TMEM135: variants seen among roughly 807,000 people sequenced by gnomAD.
TMEM135 encodes transmembrane protein 135.
TMEM135 carries 30 observed loss-of-function variants against 60.3 expected under a neutral mutation model. The ratio of observed to expected loss-of-function variants is 0.50; its 90% CI spans 0.37 to 0.68. The LOEUF (loss-of-function observed/expected upper bound fraction) is 0.68, where lower values mean the gene tolerates loss of function less well. Among genes scored for constraint, TMEM135 ranks in the 30% least tolerant of loss-of-function variants. TMEM135 has a pLI of 0.00. For synonymous variants in TMEM135, 190 were observed against 186.7 expected, an observed-to-expected ratio of 1.02 and a Z score of -0.14; for missense variants, 468 against 548.8, an observed-to-expected ratio of 0.85 and a Z score of 1.47.
intron 6 of TMEM135, among the ~76,000 whole-genome samples, chr11:87,271,553 A>T (rs1941863024): frequency 7.1e-5 from 1 of 14,180 alleles, no homozygotes; most frequent in South Asian, 5.3e-3. Context: ...TGGTATGGAT[A>T]AAGAATGCAA....
chr11:87,138,355 C>T (rs643145), intron 4 of TMEM135, among the ~76,000 whole-genome samples: 72,183 of 151,608 alleles, frequency 0.48, 17,423 homozygotes, highest in East Asian at 0.67. Flanking sequence ...CCTCCCAAAG[C>T]GCTGGGATTA....
intron 4 of TMEM135, among the ~76,000 whole-genome samples, chr11:87,114,793 C>A (rs974352193): frequency 2.0e-5 from 3 of 152,146 alleles, no homozygotes; most frequent in African/African-American, 7.2e-5. Flanking sequence ...TGCCTGAGAA[C>A]TGAGGGGCAT....
chr11:87,117,744 G>T (rs2445561), intron 4 of TMEM135, among the ~76,000 whole-genome samples: 72,349 of 151,836 alleles, frequency 0.48, 17,514 homozygotes, highest in East Asian at 0.67. Flanking sequence ...AGAATCAGTG[G>T]CTTCCAAACT....
chr11:87,177,514 A>G (rs1242113986), intron 5 of TMEM135, among the ~76,000 whole-genome samples: 2 of 152,186 alleles, frequency 1.3e-5, no homozygotes, highest in Admixed American at 6.6e-5. Flanking sequence ...AGTTATACTC[A>G]CTGAAAGTGT....
Position 87,325,774 on chromosome 11 carries a change from A to G in TMEM135, c.*4441A>G, listed in dbSNP as rs1387878666. On this transcript the variant is annotated 3_prime_UTR_variant, in exon 15 of 15. Transcript: ENST00000305494. Reference sequence around the variant, plus strand: ...GATAATTGCACAGATATGGAAGGAGATGTTTCTCTGTATGTGAAGCCTTTA... The same window carrying G: ...GATAATTGCACAGATATGGAAGGAGGTGTTTCTCTGTATGTGAAGCCTTTA... 4.4e-6 allele frequency: 2 copies of G among 453,842 alleles called. No homozygotes were observed. The highest frequency in any genetic ancestry group is 4.7e-5 in the Admixed American group (2 of 42,498). 28.1% of individuals were successfully genotyped at this position (453,842 alleles called of 1,614,324 possible). A position where few individuals can be genotyped will look rare whatever the true frequency, so the allele number is the denominator to read the frequency against.
At chr11:87,123,110 A>G (rs966783043) in intron 4 of TMEM135, among the ~76,000 whole-genome samples, 8 of 152,216 alleles carry the variant, frequency 5.3e-5, no homozygotes, top group African/African-American at 1.9e-4. Flanking sequence ...TTCACATGTC[A>G]ACAAATATCA....
chr11:87,050,536 C>T (rs1949832413), intron 1 of TMEM135, among the ~76,000 whole-genome samples: 1 of 54,544 alleles, frequency 1.8e-5, no homozygotes. Flanking sequence ...ACTACAAACA[C>T]CTCTACGCAA....
chr11:87,074,964 G>T (rs1856840405), intron 3 of TMEM135, among the ~76,000 whole-genome samples: 2 of 151,634 alleles, frequency 1.3e-5, no homozygotes, highest in South Asian at 4.2e-4. Context: ...TCTTGAGATA[G>T]GGTCTTGCTT....
At chr11:87,273,958 T>C (rs551553226) in intron 6 of TMEM135, among the ~76,000 whole-genome samples, 1 of 152,182 alleles carries the variant, frequency 6.6e-6, no homozygotes, top group African/African-American at 2.4e-5. Flanking sequence ...ATTATGTAGG[T>C]AGAGTTGGTC....
intron 1 of TMEM135, among the ~76,000 whole-genome samples, chr11:87,064,484 T>A (rs550896138): frequency 6.6e-6 from 1 of 152,292 alleles, no homozygotes; most frequent in African/African-American, 2.4e-5. Context: ...GAAGGATCCC[T>A]AATGTTGCCT....
intron 5 of TMEM135, among the ~76,000 whole-genome samples, chr11:87,180,429 C>T (rs1939487052): frequency 6.6e-6 from 1 of 152,028 alleles, no homozygotes; most frequent in South Asian, 2.1e-4. Flanking sequence ...GAGGCAAAAA[C>T]ACCAGTTTTG....
intron 5 of TMEM135, among the ~76,000 whole-genome samples, chr11:87,159,365 A>C (rs992729567): frequency 6.6e-6 from 1 of 152,096 alleles, no homozygotes; most frequent in African/African-American, 2.4e-5. Flanking sequence ...AAAATTAGGA[A>C]ATTTCTTTTT....
chr11:87,281,095 A>G (rs1299201938), intron 6 of TMEM135, among the ~76,000 whole-genome samples: 1 of 152,228 alleles, frequency 6.6e-6, no homozygotes, highest in African/African-American at 2.4e-5. Context: ...ATATAAAGAA[A>G]CTAATGGAAC....
intron 4 of TMEM135, among the ~76,000 whole-genome samples, chr11:87,119,934 G>C (rs1023197865): frequency 6.6e-6 from 1 of 151,384 alleles, no homozygotes; most frequent in Non-Finnish European, 1.5e-5. Flanking sequence ...AAGATTGCCT[G>C]CATATGCATA....
At position 87,176,906 on chromosome 11, in the gene TMEM135, C is replaced by T. The variant is rs1418708200; in HGVS notation, c.462+19500C>T. On this transcript the variant is annotated intron_variant, in intron 5 of 14. Transcript: ENST00000305494. ...AAAGCTCAAGGGTTAAAAAACAGTG[C>T]ATCCCATGCATATAACAACTTTCTT... Among the ~76,000 whole-genome samples, 5 of 152,158 alleles carry T rather than the reference C, an allele frequency of 3.3e-5. No homozygotes were observed. The South Asian group carries it at 1.0e-3, about 31-fold the overall frequency.
At chr11:87,157,071 TTTG>T (rs1445634394) in intron 4 of TMEM135, among the ~76,000 whole-genome samples, 7 of 110,790 alleles carry the variant, frequency 6.3e-5, no homozygotes, top group African/African-American at 2.3e-4. Context: ...CTTTCTTTCT[TTTG>T]TTTTTTTTTT....
intron 5 of TMEM135, among the ~76,000 whole-genome samples, chr11:87,171,716 T>A (rs757858189): frequency 5.9e-5 from 9 of 152,162 alleles, no homozygotes; most frequent in Non-Finnish European, 1.2e-4. Flanking sequence ...TGTATACCCT[T>A]TCTGCCTAGG....
intron 5 of TMEM135, among the ~76,000 whole-genome samples, chr11:87,172,963 A>T (rs995691080): frequency 1.3e-5 from 2 of 151,826 alleles, no homozygotes; most frequent in African/African-American, 4.8e-5. Context: ...TTCCAACATT[A>T]CTAAAATTAT....
chr11:87,055,255 G>A lies in TMEM135; in HGVS notation c.142-12439G>A, dbSNP rs142839283. ...TATGGCACAAAAAACAAATTTTAAC[G>A]TGACAAATCAAGAGAAATAAGAAGC... On this transcript the variant is annotated intron_variant, in intron 1 of 14. Coordinates refer to ENST00000305494, the MANE Select transcript of TMEM135 (RefSeq NM_022918.4). Among the ~76,000 whole-genome samples, 581 of 152,180 alleles carry A rather than the reference G, an allele frequency of 3.8e-3. 2 individuals carry two copies. Among genetic ancestry groups the A allele is most frequent in the Middle Eastern group, 0.01 (3 of 294 alleles).
Sources: gnomAD v4.1 joint callset for allele counts (sites outside exome capture counted in the v4.1 genomes callset) on GRCh38, gnomAD v4.1.1 for gene constraint, MANE v1.5 for transcripts, NCBI Gene and HGNC (gene_info 2026-07-23, HGNC 2026-07-21) for gene names.